The following IGF2R variants were observed in gnomAD, a reference collection of about 807,000 sequenced individuals.
IGF2R encodes the protein insulin like growth factor 2 receptor, also known as cation-independent mannose-6-phosphate receptor.
Under a neutral mutation model 270.6 loss-of-function variants are expected in IGF2R, and 91 were observed. The observed-to-expected ratio is 0.34, with a 90% CI of 0.28 to 0.40. The LOEUF is 0.40. Ranked by LOEUF, IGF2R falls within the 10% of genes least tolerant of loss-of-function variation. The probability of loss-of-function intolerance (pLI) is 1.00; values close to 1 mark genes in which losing one functional copy is unlikely to be tolerated. For synonymous variants in IGF2R, 1,316 were observed against 1,258.9 expected (o/e 1.05, Z -0.96); for missense variants, 2,805 against 3,188.3 (o/e 0.88, Z 2.90).
chr6:159,983,238 T>C (rs1783832734), intron 1 of IGF2R, among the ~76,000 whole-genome samples: 1 of 152,176 alleles, frequency 6.6e-6, no homozygotes, highest in Non-Finnish European at 1.5e-5. Context: ...TGGGTTTCGA[T>C]TGCGGCCCTT....
At chr6:160,014,460 T>A (rs1005485029) in intron 4 of IGF2R, among the ~76,000 whole-genome samples, 21 of 152,172 alleles carry the variant, frequency 1.4e-4, no homozygotes, top group African/African-American at 4.8e-4. Flanking sequence ...GTGAGGCATG[T>A]CTTCTCTTCC....
chr6:160,025,994 AG>A (rs1432351082), intron 5 of IGF2R, among the ~76,000 whole-genome samples: 1 of 152,194 alleles, frequency 6.6e-6, no homozygotes, highest in Non-Finnish European at 1.5e-5. Context: ...GGGGTGCCCT[AG>A]TTTTTACTCA....
intron 44 of IGF2R, chr6:160,092,976 A>G (rs1229092498): frequency 6.6e-6 from 1 of 152,338 alleles, no homozygotes; most frequent in Non-Finnish European, 1.5e-5. Flanking sequence ...AGCCAACTTC[A>G]GATTTACCCT....
intron 34 of IGF2R, 90 bp downstream of exon 34, chr6:160,073,559 A>G (rs1778791674): frequency 6.8e-7 from 1 of 1,462,052 alleles, no homozygotes. Flanking sequence ...CCACTAGTAG[A>G]TGCCCAGCTG....
intron 1 of IGF2R, among the ~76,000 whole-genome samples, chr6:159,987,297 A>C (rs1201678494): frequency 2.6e-5 from 4 of 152,254 alleles, no homozygotes; most frequent in Non-Finnish European, 5.9e-5. Context: ...ACCAGAGTAC[A>C]TAATAGTTTT....
chr6:160,099,851 T>C (rs2114741275), intron 45 of IGF2R, among the ~76,000 whole-genome samples: 1 of 152,292 alleles, frequency 6.6e-6, no homozygotes, highest in East Asian at 1.9e-4. Flanking sequence ...TAAAATTTCT[T>C]ACAGTGATAG....
intron 36 of IGF2R, among the ~76,000 whole-genome samples, chr6:160,077,111 G>C (rs1400552313): frequency 1.3e-5 from 2 of 152,300 alleles, no homozygotes; most frequent in East Asian, 3.9e-4. Context: ...CCTGCTGTTT[G>C]GGGCTACTCC....
intron 4 of IGF2R, among the ~76,000 whole-genome samples, 154 bp from the exon 5 acceptor site, chr6:160,024,418 G>A (rs1023866868): frequency 3.9e-5 from 6 of 152,292 alleles, no homozygotes; most frequent in Middle Eastern, 3.4e-3. Flanking sequence ...GAGCCAAGAC[G>A]TTTATTGACC....
intron 1 of IGF2R, among the ~76,000 whole-genome samples, chr6:159,984,709 G>C (rs578081610): frequency 6.6e-6 from 1 of 152,310 alleles, no homozygotes; most frequent in South Asian, 2.1e-4. Context: ...AGCAGTGACA[G>C]AATTGCCTCA....
At chr6:160,051,195 A>T (rs1027410501) in intron 19 of IGF2R, among the ~76,000 whole-genome samples, 1 of 152,202 alleles carries the variant, frequency 6.6e-6, no homozygotes, top group Admixed American at 6.5e-5. Context: ...GGAGAGGGAG[A>T]TAGGGGATGT....
At position 160,027,284 on chromosome 6, in the gene IGF2R, G is replaced by A. The variant is rs772482202; in HGVS notation, c.746G>A (p.Arg249Gln). Residue 249 changes from arginine (R) to glutamine (Q), a missense_variant, in exon 6 of 48, where the codon CGG (arginine) becomes CAG (glutamine). Physicochemically the swap from Arg to Gln is conservative, Grantham distance 43 (BLOSUM62 1). Coordinates refer to ENST00000356956, the MANE Select transcript of IGF2R (RefSeq NM_000876.4). ...GHQAFDVGQPRDGLKLVRKDR... is the reference protein window; with the variant it reads ...GHQAFDVGQPQDGLKLVRKDR... ...CAGGCGTTTGATGTTGGCCAGCCCC[G>A]GGACGGACTGAAGCTGGTGCGCAAG... 43 of 1,613,726 alleles carry A rather than the reference G, an allele frequency of 2.7e-5. No homozygotes were observed. Among genetic ancestry groups the A allele is most frequent in the African/African-American group, 1.3e-4 (10 of 74,920 alleles).
In IGF2R at chr6:160,050,854, G is replaced by T. The variant is rs1778180749; in HGVS notation, c.2694+202G>T. On this transcript the variant is annotated intron_variant, in intron 19 of 47. Coordinates refer to ENST00000356956, the MANE Select transcript of IGF2R (RefSeq NM_000876.4). This position sits in a 1 kb window ranked among gnomAD's most constrained non-coding sequence, Gnocchi z 4.0. ...CCTTCATGGCTGCGATTTCTGAAGT[G>T]TAAGCCTCATCTTTTGCTGCGGAGT... Among the ~76,000 whole-genome samples the T allele has an allele frequency of 6.6e-6, 1 of 152,216 alleles. No homozygotes were observed. The highest frequency in any genetic ancestry group is 6.5e-5 in the Admixed American group (1 of 15,276).
chr6:160,030,867 C>T (rs975801524), intron 7 of IGF2R, among the ~76,000 whole-genome samples: 6 of 150,636 alleles, frequency 4.0e-5, no homozygotes, highest in South Asian at 2.1e-4. Context: ...TCTGTCGCCC[C>T]GGCCGGAGTG....
At chr6:160,044,354 C>G (rs1778018100) in intron 12 of IGF2R, among the ~76,000 whole-genome samples, 160 bp from the exon 13 acceptor site, 1 of 152,164 alleles carries the variant, frequency 6.6e-6, no homozygotes, top group Non-Finnish European at 1.5e-5. Flanking sequence ...CATCCGCTGC[C>G]TTGGTGGGTT....
At chr6:160,059,826 C>G (rs1025529252) in intron 22 of IGF2R, among the ~76,000 whole-genome samples, 14 of 152,260 alleles carry the variant, frequency 9.2e-5, no homozygotes, top group Non-Finnish European at 1.5e-4. Context: ...ACTTGCTCCT[C>G]GCTCTGCAAC....
At position 160,108,389 on chromosome 6, in the gene IGF2R, A is replaced by C. The variant is rs9347385; in HGVS notation, c.*3305A>C. 0.2 allele frequency: 30,637 copies of C among 152,436 alleles called. 3,443 individuals are homozygous for C. The highest frequency in any genetic ancestry group is 0.4 in the East Asian group (2,078 of 5,160). The allele number at this position is 152,436 out of a possible 1,614,324, so 9.4% of individuals were successfully genotyped here. A position where few individuals can be genotyped will look rare whatever the true frequency, so the allele number is the denominator to read the frequency against. On this transcript the variant is annotated 3_prime_UTR_variant, in exon 48 of 48. Transcript: ENST00000356956. ...AGCCCAGAACTTGGAGCCTGTTGTG[A>C]CTGTCACAGTAAGGAGTTTGAAGTC...
At chr6:160,014,917 C>G (rs893177320) in intron 4 of IGF2R, among the ~76,000 whole-genome samples, 3 of 152,186 alleles carry the variant, frequency 2.0e-5, no homozygotes, top group Non-Finnish European at 4.4e-5. Context: ...TTCTAACTTC[C>G]TCCATTATTA....
intron 5 of IGF2R, among the ~76,000 whole-genome samples, chr6:160,025,564 TTA>T (rs991655263): frequency 2.6e-5 from 4 of 152,190 alleles, no homozygotes; most frequent in Non-Finnish European, 5.9e-5. Context: ...ATTCTTTAAA[TTA>T]TATATATACA....
rs190015646 is a variant in IGF2R, at chr6:160,001,532, G to C, written c.290-7478G>C. 9.7e-4 allele frequency among the ~76,000 whole-genome samples: 148 copies of C among 152,236 alleles called. 1 individual carries two copies. The highest frequency in any genetic ancestry group is 1.6e-3 in the Non-Finnish European group (108 of 68,010). ...CGAAACCATCCCACCCCCAGTCCAA[G>C]TCCATGGAAAAACTGTCTTTCATGA... is the stretch of plus-strand genomic sequence containing the variant. On this transcript the variant is annotated intron_variant, in intron 2 of 47. Coordinates refer to ENST00000356956, the MANE Select transcript of IGF2R (RefSeq NM_000876.4).
Sources: gnomAD v4.1 joint callset for allele counts (sites outside exome capture counted in the v4.1 genomes callset) on GRCh38, gnomAD v4.1.1 for gene constraint, Gnocchi (gnomAD v3.1) non-coding constraint, MANE v1.5 for transcripts, NCBI Gene and HGNC (gene_info 2026-07-23, HGNC 2026-07-21) for gene names.